Variants in TMEM161A observed in about 807,000 individuals in gnomAD.
TMEM161A encodes transmembrane protein 161A, also known as adaptive response to oxidative stress protein 29.
TMEM161A carries 46 observed loss-of-function variants against 57.1 expected under a neutral mutation model. The ratio of observed to expected loss-of-function variants is 0.81; its 90% CI spans 0.64 to 1.03. The LOEUF is 1.03. TMEM161A is among the 50% of genes least tolerant of loss of function. The probability of loss-of-function intolerance (pLI) is 0.00; values close to 1 mark genes in which losing one functional copy is unlikely to be tolerated. For synonymous variants in TMEM161A, 288 were observed against 279.0 expected, an observed-to-expected ratio of 1.03 and a Z score of -0.32; for missense variants, 601 against 621.5, an observed-to-expected ratio of 0.97 and a Z score of 0.35.
In TMEM161A at chr19:19,119,849, G is replaced by A. The variant is rs939742913; in HGVS notation, c.*81C>T. 3.4e-6 allele frequency: 5 copies of A among 1,483,026 alleles called. No individual in the cohort carries two copies. The highest frequency in any genetic ancestry group is 2.4e-4 in the Middle Eastern group (1 of 4,090). The allele number at this position is 1,483,026 out of a possible 1,614,324, so 91.9% of individuals were successfully genotyped here. A position where few individuals can be genotyped will look rare whatever the true frequency, so the allele number is the denominator to read the frequency against. On this transcript the variant is annotated 3_prime_UTR_variant, in exon 12 of 12. Transcript: ENST00000162044. ...GGCCCCACCTTGCAGCTGGGGACAC[G>A]GGGGCGCAAACAGAGGGGGCAGGCT...
At chr19:19,125,035 A>G (rs1294754298) in intron 6 of TMEM161A, among the ~76,000 whole-genome samples, 2 of 152,166 alleles carry the variant, frequency 1.3e-5, no homozygotes, top group Non-Finnish European at 2.9e-5. Context: ...TAAATGCTAT[A>G]TATGCTATAA....
At chr19:19,127,432 C>G (rs575422521) in intron 6 of TMEM161A, among the ~76,000 whole-genome samples, 9 of 151,692 alleles carry the variant, frequency 5.9e-5, no homozygotes, top group East Asian at 3.9e-4. Flanking sequence ...CCATTCTCCT[C>G]CCTCAGCCTC....
In TMEM161A at chr19:19,119,629, G is replaced by C; in HGVS notation, c.*301C>G. On this transcript the variant is annotated 3_prime_UTR_variant, in exon 12 of 12. Coordinates refer to ENST00000162044, the MANE Select transcript of TMEM161A (RefSeq NM_017814.3). ...CACTCAGACCCTGTTTGTAAAAATC[G>C]GCATGCTCCTTTATTTGTTCAGAAG... The C allele has an allele frequency of 2.5e-6, 1 of 404,548 alleles. No individual in the cohort carries two copies. Among genetic ancestry groups the C allele is most frequent in the Non-Finnish European group, 4.6e-6 (1 of 216,576 alleles). 25.1% of individuals were successfully genotyped at this position (404,548 alleles called of 1,614,324 possible). A position where few individuals can be genotyped will look rare whatever the true frequency, so the allele number is the denominator to read the frequency against.
intron 1 of TMEM161A, among the ~76,000 whole-genome samples, chr19:19,138,009 A>T (rs2059991959): frequency 6.6e-6 from 1 of 152,024 alleles, no homozygotes; most frequent in African/African-American, 2.4e-5. Flanking sequence ...CCCCCGATGG[A>T]TCCTGTCGGC....
In TMEM161A at chr19:19,138,434, G is replaced by A. The variant is rs1176789193; in HGVS notation, c.-6C>T. The A allele has an allele frequency of 1.2e-6, 2 of 1,602,480 alleles. No individual in the cohort carries two copies. Among genetic ancestry groups the A allele is most frequent in the Non-Finnish European group, 1.7e-6 (2 of 1,174,816 alleles). The stretch of plus-strand genomic sequence containing the variant: ...GCGGGACGCTCGCTCACCATGACGC[G>A]TGCGAGAACGCGGTGCACTCACCCA... On this transcript the variant is annotated 5_prime_UTR_variant, in exon 1 of 12. In the 5' UTR this introduces an upstream ATG that the reference lacks. Transcript: ENST00000162044.
At chr19:19,120,333 G>T in intron 11 of TMEM161A, 150 bp from the exon 12 acceptor site, 2 of 731,900 alleles carry the variant, frequency 2.7e-6, no homozygotes, top group East Asian at 5.4e-5. Context: ...CCCCTCAGGC[G>T]CTGCCCCCTG....
rs2059977901 is a variant in TMEM161A, at chr19:19,134,878, CGAG to C, written c.10_12del (p.Leu4del). ...AGCAGGGTCACCACCAGCTGTACTCCGAGGACCGCCTGGGGGGAGGGGACATGA... is the reference window on the plus strand; with the variant it reads ...AGCAGGGTCACCACCAGCTGTACTCCGACCGCCTGGGGGGAGGGGACATGA... On this transcript the variant is annotated inframe_deletion, in exon 2 of 12. Transcript: ENST00000162044. 6.3e-7 allele frequency: 1 copy of C among 1,588,630 alleles called. No individual in the cohort carries two copies. Among genetic ancestry groups the C allele is most frequent in the South Asian group, 1.1e-5 (1 of 87,110 alleles).
chr19:19,138,078 A>G (rs1599713616), intron 1 of TMEM161A, among the ~76,000 whole-genome samples: 1 of 152,012 alleles, frequency 6.6e-6, no homozygotes, highest in Non-Finnish European at 1.5e-5. Flanking sequence ...ACAGGACCCC[A>G]CACCGCCTTA....
At position 19,120,134 on chromosome 19, in the gene TMEM161A, T is replaced by C; in HGVS notation, c.1236A>G (p.Pro412=). ...CGATGGGGGCAGCGCTGGCTGAGGA[T>C]GGGTCGGGGGATAGTAGAGGAGCTG... is the stretch of plus-strand genomic sequence containing the variant. The part of the protein sequence containing the change: ...LGPAPLLSPD[P]SSASAAPIGS... The change falls in exon 12 of 12, where the codon CCA becomes CCG. Residue 412 remains proline (P), a synonymous_variant. Transcript: ENST00000162044. 1 of 1,564,892 alleles carries C rather than the reference T, an allele frequency of 6.4e-7. No homozygotes were observed.
In TMEM161A at chr19:19,134,832, C is replaced by G. The variant is rs745321543; in HGVS notation, c.59G>C (p.Arg20Thr). 1 of 1,598,976 alleles carries G rather than the reference C, an allele frequency of 6.3e-7. No individual in the cohort carries two copies. The highest frequency in any genetic ancestry group is 8.5e-7 in the Non-Finnish European group (1 of 1,173,566). ...VTLLTATLMH[R>T]LAPHCSFARW... ...CGCGAAGGAGCAGTGTGGCGCCAGCCTGTGCATGAGGGTGGCAGTGAGCAG... is the reference window on the plus strand; with the variant it reads ...CGCGAAGGAGCAGTGTGGCGCCAGCGTGTGCATGAGGGTGGCAGTGAGCAG... The change falls in exon 2 of 12, where the codon AGG (arginine) becomes ACG (threonine). Residue 20 changes from arginine to threonine, a missense_variant. Arg to Thr is a moderately conservative substitution (Grantham distance 71). Transcript: ENST00000162044.
intron 11 of TMEM161A, 47 bp from the exon 12 acceptor site, chr19:19,120,230 G>A (rs772446262): frequency 2.9e-4 from 431 of 1,481,828 alleles, no homozygotes; most frequent in Non-Finnish European, 3.7e-4. Context: ...AATGGGGGAG[G>A]GGGCGAGGGA....
intron 11 of TMEM161A, 72 bp from the exon 12 acceptor site, chr19:19,120,255 G>A: frequency 2.3e-6 from 3 of 1,297,576 alleles, no homozygotes; most frequent in Non-Finnish European, 3.1e-6. Context: ...GCTGGCACGG[G>A]GGGCCAGGCC....
chr19:19,126,803 G>C (rs758308897), intron 6 of TMEM161A, among the ~76,000 whole-genome samples: 9 of 152,134 alleles, frequency 5.9e-5, no homozygotes, highest in Non-Finnish European at 1.3e-4. Flanking sequence ...CTGGAAGGTG[G>C]AGGTTGCAGT....
Position 19,121,206 on chromosome 19 carries a change from GC to G in TMEM161A, c.915-41del. The G allele has an allele frequency of 2.6e-6, 4 of 1,559,146 alleles. No individual in the cohort carries two copies. The highest frequency in any genetic ancestry group is 1.7e-4 in the Middle Eastern group (1 of 5,938). On this transcript the variant is annotated intron_variant, in intron 9 of 11. Transcript: ENST00000162044. The surrounding 1 kb of genome is among the most constrained non-coding windows in gnomAD (Gnocchi z 5.8). ...CCGGGGGCAAGGGACTAAGAAGGTC[GC>G]CCCCGACCCCCCAGGATCTTCCCCA...
intron 11 of TMEM161A, 36 bp downstream of exon 11, chr19:19,120,729 C>T (rs758906651): frequency 5.7e-6 from 9 of 1,580,898 alleles, no homozygotes; most frequent in Non-Finnish European, 7.8e-6. Context: ...TCTTCCAACT[C>T]CGCCCCTCCT....
In TMEM161A at chr19:19,121,777, T is replaced by C. The variant is rs760026406; in HGVS notation, c.638A>G (p.Lys213Arg). ...MTQNLEPLLK[K>R]QGWDWALPVA... Reference sequence around the variant, plus strand: ...GACTCACGCCCAGTCCCAGCCCTGCTTCTTCAGAAGTGGCTCTAAGTTCTG... The same window carrying C: ...GACTCACGCCCAGTCCCAGCCCTGCCTCTTCAGAAGTGGCTCTAAGTTCTG... The change falls in exon 7 of 12, where the codon AAG (lysine) becomes AGG (arginine). Residue 213 changes from lysine to arginine, a missense_variant. Lys to Arg is a conservative substitution (Grantham distance 26). Transcript: ENST00000162044. The surrounding 1 kb of genome is among the most constrained non-coding windows in gnomAD (Gnocchi z 5.8). The C allele has an allele frequency of 6.2e-7, 1 of 1,614,052 alleles. No individual in the cohort carries two copies. Among genetic ancestry groups the C allele is most frequent in the Non-Finnish European group, 8.5e-7 (1 of 1,180,004 alleles).
At position 19,132,508 on chromosome 19, in the gene TMEM161A, A is replaced by G; in HGVS notation, c.287T>C (p.Val96Ala). ...CTGGTACTCCAGGAAGAAGCGCAGG[A>G]CTGTGGGGGGCACTCTGCTCAGCCC... is the stretch of plus-strand genomic sequence containing the variant. ...TCPLTTVDAL[V>A]LRFFLEYQWF... Residue 96 changes from valine to alanine, a missense_variant and splice_region_variant, in exon 5 of 12, where the codon GTC (valine) becomes GCC (alanine). Val to Ala is a moderately conservative substitution (Grantham distance 64). Transcript: ENST00000162044. The surrounding 1 kb of genome is among the most constrained non-coding windows in gnomAD (Gnocchi z 4.3). 1 of 1,613,274 alleles carries G rather than the reference A, an allele frequency of 6.2e-7. No homozygotes were observed. The highest frequency in any genetic ancestry group is 8.5e-7 in the Non-Finnish European group (1 of 1,179,484).
chr19:19,122,130 C>G (rs1599703712), intron 6 of TMEM161A, among the ~76,000 whole-genome samples: 2 of 152,078 alleles, frequency 1.3e-5, no homozygotes, highest in African/African-American at 4.8e-5. Context: ...CCCGTCTCTA[C>G]TAAAAATACA....
Position 19,132,793 on chromosome 19 carries a change from G to T in TMEM161A, c.189-39C>A, listed in dbSNP as rs541580486. 2.7e-6 allele frequency: 4 copies of T among 1,472,158 alleles called. No individual in the cohort carries two copies. The South Asian group carries it at 4.1e-5, about 15-fold the overall frequency. 91.2% of individuals were successfully genotyped at this position (1,472,158 alleles called of 1,614,324 possible). ...GACAAGCAAGAGGGACGGTGAGCAC[G>T]CATTCCACTGAGGCCAGCCACCCTC... On this transcript the variant is annotated intron_variant, in intron 3 of 11. Transcript: ENST00000162044. This position sits in a 1 kb window ranked among gnomAD's most constrained non-coding sequence, Gnocchi z 4.3.
Sources: gnomAD v4.1 joint callset for allele counts (sites outside exome capture counted in the v4.1 genomes callset) on GRCh38, gnomAD v4.1.1 for gene constraint, Gnocchi (gnomAD v3.1) non-coding constraint, MANE v1.5 for transcripts, NCBI Gene and HGNC (gene_info 2026-07-23, HGNC 2026-07-21) for gene names.